CHFR: variants seen among roughly 807,000 people sequenced by gnomAD.
The protein encoded by CHFR is E3 ubiquitin-protein ligase CHFR.
In CHFR, 57 loss-of-function variants were observed where a neutral mutation model predicts 87.6. The ratio of observed to expected loss-of-function variants is 0.65; its 90% CI spans 0.53 to 0.81. The LOEUF (loss-of-function observed/expected upper bound fraction) is 0.81. CHFR is among the 30% of genes least tolerant of loss of function. The pLI, the probability that CHFR is intolerant of heterozygous loss-of-function variation, is 0.00. For missense variants in CHFR, 797 were observed against 865.8 expected (o/e 0.92, Z 1.00); for synonymous variants, 381 against 359.2 (o/e 1.06, Z -0.69).
rs1950654061 is a variant in CHFR, at chr12:132,837,131, T to C, written c.*4423A>G. 2 of 286,146 alleles carry C rather than the reference T, an allele frequency of 7.0e-6. No individual in the cohort carries two copies. Among genetic ancestry groups the C allele is most frequent in the South Asian group, 6.4e-5 (2 of 31,346 alleles). 17.7% of individuals were successfully genotyped at this position (286,146 alleles called of 1,614,324 possible). ...AGAAGCAGAGGAACACCTGAGGGGC[T>C]CCAGGAGAAGCAGGTAGGGAGAAGA... On this transcript the variant is annotated 3_prime_UTR_variant, in exon 18 of 18. Transcript: ENST00000450056.
chr12:132,886,432 T>TA (rs1358485687), intron 2 of CHFR, among the ~76,000 whole-genome samples: 5 of 152,070 alleles, frequency 3.3e-5, no homozygotes, highest in African/African-American at 1.2e-4. Context: ...CGCTCCTTTT[T>TA]AGAGTATAAT....
intron 7 of CHFR, among the ~76,000 whole-genome samples, chr12:132,860,251 G>T (rs1169637296): frequency 6.6e-6 from 1 of 151,260 alleles, no homozygotes; most frequent in Non-Finnish European, 1.5e-5. Flanking sequence ...ATCTATTAAG[G>T]TAGAGAAAAA....
intron 6 of CHFR, chr12:132,861,908 A>G (rs1414676254): frequency 2.6e-5 from 11 of 424,060 alleles, no homozygotes; most frequent in Non-Finnish European, 4.0e-5. Context: ...GCCCTCGAGC[A>G]CCGAGTCTAA....
rs954494653 is a variant in CHFR, at chr12:132,841,480, G to A, written c.*74C>T. On this transcript the variant is annotated 3_prime_UTR_variant, in exon 18 of 18. Transcript: ENST00000450056. ...CAGGGGGCTGTGAAAACACCTTGACGTGCTTGTCTCTGTATTTTAAAAACA... is the reference window on the plus strand; with the variant it reads ...CAGGGGGCTGTGAAAACACCTTGACATGCTTGTCTCTGTATTTTAAAAACA... 1.3e-5 allele frequency: 17 copies of A among 1,330,356 alleles called. No homozygotes were observed. Among genetic ancestry groups the A allele is most frequent in the Non-Finnish European group, 1.7e-5 (16 of 921,678 alleles). 82.4% of individuals were successfully genotyped at this position (1,330,356 alleles called of 1,614,324 possible). A position where few individuals can be genotyped will look rare whatever the true frequency, so the allele number is the denominator to read the frequency against.
intron 16 of CHFR, 129 bp downstream of exon 16, chr12:132,843,898 G>A (rs1221655660): frequency 4.7e-5 from 27 of 568,844 alleles, no homozygotes; most frequent in South Asian, 7.6e-5. Context: ...GCAGTGAGCC[G>A]AGATTGCACC....
At position 132,844,151 on chromosome 12, in the gene CHFR, C is replaced by T; in HGVS notation, c.1736-17G>A. On this transcript the variant is annotated splice_polypyrimidine_tract_variant and intron_variant, in intron 15 of 17. Transcript: ENST00000450056. ...CTCTGTAATCTGGAAGAAACACAGC[C>T]AGTTACCCAGCAACACCATCTTCCC... 1 of 1,530,562 alleles carries T rather than the reference C, an allele frequency of 6.5e-7. No individual in the cohort carries two copies. The highest frequency in any genetic ancestry group is 2.3e-5 in the East Asian group (1 of 44,366). 94.8% of individuals were successfully genotyped at this position (1,530,562 alleles called of 1,614,324 possible).
At position 132,859,083 on chromosome 12, in the gene CHFR, A is replaced by C. The variant is rs759798633; in HGVS notation, c.896T>G (p.Leu299Arg). ...ACGGTCGCACCTCACGCAGTCGTGC[A>C]GCAGGTCCTGGCAGATGATGCATGT... ...TLTCIICQDL[L>R]HDCVSLQPCM... Residue 299 changes from leucine to arginine, a missense_variant, in exon 8 of 18, where the codon CTG becomes CGG. Physicochemically the swap from Leu to Arg is moderately radical, Grantham distance 102. Coordinates refer to ENST00000450056, the MANE Select transcript of CHFR (RefSeq NM_001161346.2). 8 of 1,613,684 alleles carry C rather than the reference A, an allele frequency of 5.0e-6. No individual in the cohort carries two copies. The highest frequency in any genetic ancestry group is 6.8e-6 in the Non-Finnish European group (8 of 1,179,808).
intron 7 of CHFR, among the ~76,000 whole-genome samples, chr12:132,859,480 A>T (rs1951166852): frequency 6.6e-6 from 1 of 151,880 alleles, no homozygotes; most frequent in African/African-American, 2.4e-5. Context: ...CCTCCTGAGT[A>T]GCTGGGACTA....
intron 16 of CHFR, 141 bp downstream of exon 16, chr12:132,843,886 T>G (rs1352373820): frequency 3.7e-6 from 2 of 536,934 alleles, no homozygotes; most frequent in Non-Finnish European, 6.9e-6. Context: ...GAGGCAGAGG[T>G]TGCAGTGAGC....
At chr12:132,869,822 TC>T in intron 5 of CHFR, 24 bp from the exon 6 acceptor site, 1 of 1,551,112 alleles carries the variant, frequency 6.4e-7, no homozygotes. Context: ...GAACACATTT[TC>T]CTTGTTAGCT....
At chr12:132,876,285 G>C (rs927724974) in intron 3 of CHFR, among the ~76,000 whole-genome samples, 1 of 152,160 alleles carries the variant, frequency 6.6e-6, no homozygotes, top group Non-Finnish European at 1.5e-5. Context: ...GTATGAATAG[G>C]ATTTTGGAAA....
intron 6 of CHFR, among the ~76,000 whole-genome samples, chr12:132,865,664 T>G (rs1402223479): frequency 2.1e-5 from 3 of 141,802 alleles, no homozygotes; most frequent in Admixed American, 1.4e-4. Flanking sequence ...TTTTTTTTTT[T>G]TTTTTTTTTT....
chr12:132,872,321 T>C lies in CHFR; in HGVS notation c.307A>G (p.Ile103Val), dbSNP rs1204882792. The C allele has an allele frequency of 1.9e-6, 3 of 1,613,194 alleles. No individual in the cohort carries two copies. In the Admixed American group the frequency reaches 5.0e-5, roughly 27 times the overall value. Residue 103 changes from isoleucine (I) to valine (V), a missense_variant, in exon 4 of 18, where the codon ATC (isoleucine) becomes GTC (valine). Coordinates refer to ENST00000450056, the MANE Select transcript of CHFR (RefSeq NM_001161346.2). ...TCATTCTTCCTGTACACCAAGTAGA[T>C]GACATCCCCAGTCTGTAAAGGGCAT... ...QTCPLQTGDV[I>V]YLVYRKNEPE...
rs769371058 is a variant in CHFR at position 132,857,499 on chromosome 12, C to T, written c.972G>A (p.Ser324=). The change falls in exon 9 of 18, where the codon TCG becomes TCA. Residue 324 remains serine, a synonymous_variant. Coordinates refer to ENST00000450056, the MANE Select transcript of CHFR (RefSeq NM_001161346.2). ...GACAGCGGCAGGTAGGACACAGGGA[C>T]GAGCGCTCCATCCAGCCCGAGTAGC... ...AACYSGWMER[S]SLCPTCRCPV... The T allele has an allele frequency of 1.7e-5, 28 of 1,614,022 alleles. No individual in the cohort carries two copies. The highest frequency in any genetic ancestry group is 1.1e-4 in the South Asian group (10 of 91,086).
At chr12:132,846,920 A>G (rs35631975) in intron 15 of CHFR, 123 bp downstream of exon 15, 8,408 of 719,392 alleles carry the variant, frequency 0.012, 73 homozygotes, top group Admixed American at 0.019. Context: ...TGAAAGCATC[A>G]GGATCTTTTT....
chr12:132,881,095 C>G (rs974821052), intron 2 of CHFR, among the ~76,000 whole-genome samples: 1 of 152,028 alleles, frequency 6.6e-6, no homozygotes, highest in African/African-American at 2.4e-5. Flanking sequence ...GATGAGACCC[C>G]ATCTCGACTA....
Position 132,832,534 on chromosome 12 carries a change from A to T in CHFR, c.*9020T>A, listed in dbSNP as rs1410585713. The T allele has an allele frequency of 6.6e-6, 1 of 152,224 alleles. No homozygotes were observed. Among genetic ancestry groups the T allele is most frequent in the Non-Finnish European group, 1.5e-5 (1 of 68,042 alleles). The allele number at this position is 152,224 out of a possible 1,614,324, so 9.4% of individuals were successfully genotyped here. On this transcript the variant is annotated 3_prime_UTR_variant, in exon 18 of 18. Transcript: ENST00000450056. ...GGTGATGGATACCCCAGTTACTGGGAGTTGATCATTATACATTGTATGTCT... is the reference window on the plus strand; with the variant it reads ...GGTGATGGATACCCCAGTTACTGGGTGTTGATCATTATACATTGTATGTCT...
chr12:132,845,476 AT>A lies in CHFR; in HGVS notation c.1736-1343del, dbSNP rs1426104786. On this transcript the variant is annotated intron_variant, in intron 15 of 17. Transcript: ENST00000450056. ...CCATCTCAAAAAAAAAAATAAATAAATAAATAAAAATAAAAAAACTAAGATT... is the reference window on the plus strand; with the variant it reads ...CCATCTCAAAAAAAAAAATAAATAAAAAATAAAAATAAAAAAACTAAGATT... 2.6e-5 allele frequency among the ~76,000 whole-genome samples: 4 copies of A among 151,186 alleles called. No individual in the cohort carries two copies. The East Asian group carries it at 5.8e-4, about 22-fold the overall frequency.
At chr12:132,864,664 T>C (rs1385037761) in intron 6 of CHFR, among the ~76,000 whole-genome samples, 1 of 152,102 alleles carries the variant, frequency 6.6e-6, no homozygotes, top group Non-Finnish European at 1.5e-5. Context: ...AATTTTTATA[T>C]TTTTAGTAGA....
Sources: allele counts gnomAD v4.1 joint callset (sites outside exome capture counted in the v4.1 genomes callset), GRCh38; gene constraint gnomAD v4.1.1; transcripts MANE v1.5; gene names NCBI Gene and HGNC (gene_info 2026-07-23, HGNC 2026-07-21).